TBC1D8: variants seen among roughly 807,000 people sequenced by gnomAD.
TBC1D8 encodes TBC1 domain family member 8, also known as BUB2-like protein 1.
In TBC1D8, 65 loss-of-function variants were observed where a neutral mutation model predicts 118.8. The observed-to-expected ratio is 0.55, with a 90% CI of 0.45 to 0.67. TBC1D8 has a LOEUF of 0.67. Among genes scored for constraint, TBC1D8 ranks in the 30% least tolerant of loss-of-function variants. TBC1D8 has a pLI of 0.00. For synonymous variants in TBC1D8, 566 were observed against 595.8 expected, an observed-to-expected ratio of 0.95 and a Z score of 0.73; for missense variants, 1,376 against 1,471.2, an observed-to-expected ratio of 0.94 and a Z score of 1.06.
At chr2:101,028,724 C>T (rs983253203) in intron 12 of TBC1D8, among the ~76,000 whole-genome samples, 2 of 152,220 alleles carry the variant, frequency 1.3e-5, no homozygotes, top group Middle Eastern at 3.4e-3. Flanking sequence ...GAAAGAGAAC[C>T]CCCTCTTTCA....
At chr2:101,041,605 T>C (rs1681389063) in intron 5 of TBC1D8, among the ~76,000 whole-genome samples, 2 of 152,150 alleles carry the variant, frequency 1.3e-5, no homozygotes, top group African/African-American at 4.8e-5. Context: ...GATGAAATGC[T>C]CTAAAATTGA....
chr2:101,041,075 C>T (rs768327210), intron 5 of TBC1D8, among the ~76,000 whole-genome samples: 2 of 152,144 alleles, frequency 1.3e-5, no homozygotes, highest in Non-Finnish European at 2.9e-5. Context: ...AAATTGGAAC[C>T]CTACCGCACT....
chr2:101,009,709 A>T (rs1573848320), intron 19 of TBC1D8, among the ~76,000 whole-genome samples: 1 of 152,076 alleles, frequency 6.6e-6, no homozygotes, highest in African/African-American at 2.4e-5. Flanking sequence ...TAATCCCACA[A>T]GATGTTTTGT....
At chr2:101,080,918 G>T (rs931338335) in intron 2 of TBC1D8, among the ~76,000 whole-genome samples, 2 of 151,848 alleles carry the variant, frequency 1.3e-5, no homozygotes, top group Non-Finnish European at 2.9e-5. Flanking sequence ...TGGCACCACA[G>T]GAGCACTACC....
intron 1 of TBC1D8, among the ~76,000 whole-genome samples, chr2:101,131,971 AAC>A (rs1678615288): frequency 6.6e-6 from 1 of 152,212 alleles, no homozygotes; most frequent in Non-Finnish European, 1.5e-5. Context: ...ACATCTTGTT[AAC>A]ACAGACTAAA....
In TBC1D8 at chr2:101,037,628, G is replaced by A. The variant is rs374614852; in HGVS notation, c.1356C>T (p.Ser452=). ...GDLEMMSSQN[S]EESEKEKSPL... ...GGCTCTTCTCTTTCTCACTCTCCTC[G>A]CTATTTTGAGAAGACATCATTTCAA... Residue 452 remains serine, a synonymous_variant, in exon 8 of 20, where the codon AGC becomes AGT. Transcript: ENST00000409318. 1.8e-5 allele frequency: 29 copies of A among 1,613,732 alleles called. No homozygotes were observed. The highest frequency in any genetic ancestry group is 1.6e-4 in the East Asian group (7 of 44,892).
intron 17 of TBC1D8, among the ~76,000 whole-genome samples, chr2:101,012,159 T>G (rs759229058): frequency 1.3e-5 from 2 of 152,202 alleles, no homozygotes; most frequent in Non-Finnish European, 2.9e-5. Context: ...GTCTGGCAGT[T>G]TTTAAAAAAG....
At chr2:101,034,168 C>A (rs925470630) in intron 9 of TBC1D8, among the ~76,000 whole-genome samples, 9 of 152,106 alleles carry the variant, frequency 5.9e-5, no homozygotes, top group African/African-American at 1.9e-4. Flanking sequence ...TCATTTCTGC[C>A]ATGTAGCCTA....
At chr2:101,009,774 G>T (rs940190877) in intron 19 of TBC1D8, among the ~76,000 whole-genome samples, 1 of 151,756 alleles carries the variant, frequency 6.6e-6, no homozygotes, top group African/African-American at 2.4e-5. Context: ...CTCTTGAAGG[G>T]TCGTAGTCCA....
rs771866742 is a variant in TBC1D8, at chr2:101,027,443, G to A, written c.2460C>T (p.Val820=). ...GAAGAATTGAGACTTCCGGGATAACGACTCGAAGCTTGAGGAAAGAATAAA... is the reference window on the plus strand; with the variant it reads ...GAAGAATTGAGACTTCCGGGATAACAACTCGAAGCTTGAGGAAAGAATAAA... The part of the protein sequence containing the change: ...EDTTKQNVLR[V]VIPEVSILPE... The change falls in exon 15 of 20, where the codon GTC becomes GTT. Residue 820 remains valine, a synonymous_variant. Coordinates refer to ENST00000409318, the MANE Select transcript of TBC1D8 (RefSeq NM_001330348.2). The A allele has an allele frequency of 1.7e-5, 27 of 1,612,778 alleles. No homozygotes were observed. Among genetic ancestry groups the A allele is most frequent in the Middle Eastern group, 3.3e-4 (2 of 6,066 alleles).
intron 5 of TBC1D8, among the ~76,000 whole-genome samples, chr2:101,046,016 C>T (rs755157082): frequency 6.6e-6 from 1 of 151,930 alleles, no homozygotes. Context: ...AATTAATTAA[C>T]TAAATCAAAT....
rs185227584 is a variant in TBC1D8, at chr2:101,137,911, A to G, written c.127+13216T>C. On this transcript the variant is annotated intron_variant, in intron 1 of 19. Transcript: ENST00000409318. ...TGTATGAGTTCATTCTCTTACTGCT[A>G]TAAAGAAATACCCGCGACTGGGTAA... Among the ~76,000 whole-genome samples the G allele has an allele frequency of 2.4e-4, 36 of 152,350 alleles. No homozygotes were observed. The East Asian group carries it at 6.7e-3, about 29-fold the overall frequency.
In TBC1D8 at chr2:101,151,171, A is replaced by G; in HGVS notation, c.83T>C (p.Leu28Pro). The change falls in exon 1 of 20, where the codon CTG (leucine) becomes CCG (proline). Residue 28 changes from leucine (L) to proline (P), a missense_variant. Transcript: ENST00000409318. ...VTQKSSCYFI[L>P]QRRRGHGEGG... is the part of the protein sequence containing the mutation. ...CTCGCCGTGCCCGCGGCGCCGCTGC[A>G]GGATGAAGTAGCAGCTGCTCTTCTG... 1.6e-6 allele frequency: 2 copies of G among 1,230,236 alleles called. No individual in the cohort carries two copies. The highest frequency in any genetic ancestry group is 4.7e-5 in the East Asian group (1 of 21,170). 76.2% of individuals were successfully genotyped at this position (1,230,236 alleles called of 1,614,324 possible).
rs745796741 is a variant in TBC1D8 at position 101,040,294 on chromosome 2, G to C, written c.964C>G (p.Leu322Val). 1 of 1,613,988 alleles carries C rather than the reference G, an allele frequency of 6.2e-7. No individual in the cohort carries two copies. Among genetic ancestry groups the C allele is most frequent in the South Asian group, 1.1e-5 (1 of 91,080 alleles). Residue 322 changes from leucine to valine, a missense_variant, in exon 6 of 20, where the codon CTC (leucine) becomes GTC (valine). Transcript: ENST00000409318. ...TGACAGCGACTGAACGGCGTCCAGA[G>C]CGAACAGTCCACAACCGCGTGCAGC... ...EKLHAVVDCS[L>V]WTPFSRCHTT...
At chr2:101,078,016 TG>T (rs1674958112) in intron 2 of TBC1D8, among the ~76,000 whole-genome samples, 1 of 152,096 alleles carries the variant, frequency 6.6e-6, no homozygotes, top group Non-Finnish European at 1.5e-5. Flanking sequence ...ACCCACCAAC[TG>T]GCCCAGTCAT....
intron 9 of TBC1D8, among the ~76,000 whole-genome samples, chr2:101,034,752 G>A (rs1170038148): frequency 1.3e-5 from 2 of 152,222 alleles, no homozygotes; most frequent in Admixed American, 1.3e-4. Flanking sequence ...CACTGTCTTT[G>A]CTCACTCCTC....
chr2:101,103,387 T>A (rs1316060420), intron 1 of TBC1D8, among the ~76,000 whole-genome samples: 11 of 131,392 alleles, frequency 8.4e-5, no homozygotes, highest in Non-Finnish European at 1.3e-4. Flanking sequence ...CAAGAACTTC[T>A]TTTTTTTTTT....
chr2:101,040,920 T>C (rs2105400673), intron 5 of TBC1D8, among the ~76,000 whole-genome samples: 1 of 152,372 alleles, frequency 6.6e-6, no homozygotes, highest in Admixed American at 6.5e-5. Context: ...ACGCGCTGTC[T>C]CTGCACAGCA....
At chr2:101,063,128 A>G (rs1456447433) in intron 2 of TBC1D8, among the ~76,000 whole-genome samples, 1 of 152,176 alleles carries the variant, frequency 6.6e-6, no homozygotes, top group Non-Finnish European at 1.5e-5. Context: ...TTAAGCTCAC[A>G]GGGGCTAACA....
Sources: gnomAD v4.1 joint callset for allele counts (sites outside exome capture counted in the v4.1 genomes callset) on GRCh38, gnomAD v4.1.1 for gene constraint, MANE v1.5 for transcripts, NCBI Gene and HGNC (gene_info 2026-07-23, HGNC 2026-07-21) for gene names.